Variants in ANO6 observed in about 807,000 individuals in gnomAD.
ANO6 encodes anoctamin 6, also known as anoctamin-6.
In ANO6, 106 loss-of-function variants were observed where a neutral mutation model predicts 117.5. The observed-to-expected ratio is 0.90, with a 90% CI of 0.77 to 1.06. ANO6 has a LOEUF of 1.06. ANO6 is among the 50% of genes least tolerant of loss of function. ANO6 has a pLI of 0.00. For synonymous variants in ANO6, 367 were observed against 385.1 expected, an observed-to-expected ratio of 0.95 and a Z score of 0.55; for missense variants, 955 against 1,121.1, an observed-to-expected ratio of 0.85 and a Z score of 2.12.
At chr12:45,375,259 C>T (rs12422406) in intron 9 of ANO6, among the ~76,000 whole-genome samples, 5 of 152,116 alleles carry the variant, frequency 3.3e-5, no homozygotes, top group Admixed American at 1.3e-4. Flanking sequence ...GAATCAATAT[C>T]GTGAAAATGG....
intron 12 of ANO6, among the ~76,000 whole-genome samples, chr12:45,399,661 A>G: frequency 6.6e-6 from 1 of 152,096 alleles, no homozygotes. Flanking sequence ...CAAACCAATC[A>G]GGTTGTACCT....
chr12:45,409,955 C>T (rs1943044247), intron 16 of ANO6, among the ~76,000 whole-genome samples: 1 of 152,164 alleles, frequency 6.6e-6, no homozygotes, highest in Admixed American at 6.5e-5. Flanking sequence ...AGGGTTTCAC[C>T]ATGTTGTCCA....
intron 17 of ANO6, among the ~76,000 whole-genome samples, chr12:45,420,024 T>C (rs1039569888): frequency 6.6e-6 from 1 of 151,490 alleles, no homozygotes; most frequent in Non-Finnish European, 1.5e-5. Context: ...CATTATTGTT[T>C]GACTATGAAT....
intron 3 of ANO6, among the ~76,000 whole-genome samples, chr12:45,344,638 G>A (rs1043263674): frequency 7.9e-5 from 12 of 152,162 alleles, no homozygotes; most frequent in African/African-American, 2.9e-4. Flanking sequence ...GGAGATTACA[G>A]TTCGACATGA....
intron 12 of ANO6, among the ~76,000 whole-genome samples, chr12:45,392,181 G>T (rs989343442): frequency 6.6e-6 from 1 of 152,208 alleles, no homozygotes; most frequent in Non-Finnish European, 1.5e-5. Context: ...TTAGCAACCA[G>T]CAGACAAAGT....
intron 13 of ANO6, 60 bp downstream of exon 13, chr12:45,402,080 G>A (rs1211545529): frequency 1.4e-6 from 2 of 1,426,144 alleles, no homozygotes; most frequent in Admixed American, 3.4e-5. Flanking sequence ...GCCAAAAATA[G>A]AGACTGTTAT....
chr12:45,361,712 T>C (rs1639609366), intron 8 of ANO6, among the ~76,000 whole-genome samples: 1 of 152,112 alleles, frequency 6.6e-6, no homozygotes, highest in Admixed American at 6.5e-5. Context: ...ATGTTGGATT[T>C]TGCCAGATGC....
At chr12:45,439,357 G>A (rs12231032) in intron 19 of ANO6, among the ~76,000 whole-genome samples, 25,793 of 152,052 alleles carry the variant, frequency 0.17, 3,613 homozygotes, top group African/African-American at 0.37. Flanking sequence ...ACACTGCATC[G>A]AGCAAACTCC....
intron 12 of ANO6, among the ~76,000 whole-genome samples, chr12:45,398,660 C>T (rs1461615674): frequency 6.6e-6 from 1 of 152,092 alleles, no homozygotes; most frequent in Non-Finnish European, 1.5e-5. Flanking sequence ...TTCTACTTCT[C>T]AACCTTCAAA....
intron 3 of ANO6, among the ~76,000 whole-genome samples, chr12:45,332,911 A>C (rs1009040829): frequency 6.6e-6 from 1 of 152,078 alleles, no homozygotes; most frequent in Admixed American, 6.6e-5. Flanking sequence ...AGTGGAAAGT[A>C]TCGTTTCTGG....
rs866062454 is a variant in ANO6 at position 45,302,286 on chromosome 12, C to T, written c.150+193C>T. ...TTGCTGAACTTGATTGTGTAAGCATCATGGTCTATAGGTTTGTTCTTCATA... is the reference window on the plus strand; with the variant it reads ...TTGCTGAACTTGATTGTGTAAGCATTATGGTCTATAGGTTTGTTCTTCATA... On this transcript the variant is annotated intron_variant, in intron 2 of 19. Coordinates refer to ENST00000320560, the MANE Select transcript of ANO6 (RefSeq NM_001025356.3). 2.6e-5 allele frequency among the ~76,000 whole-genome samples: 4 copies of T among 152,302 alleles called. No individual in the cohort carries two copies. In the Middle Eastern group the frequency reaches 0.01, roughly 391 times the overall value.
chr12:45,331,394 A>G lies in ANO6; in HGVS notation c.250A>G (p.Asn84Asp). 6.2e-7 allele frequency: 1 copy of G among 1,607,594 alleles called. No individual in the cohort carries two copies. Among genetic ancestry groups the G allele is most frequent in the Non-Finnish European group, 8.5e-7 (1 of 1,176,782 alleles). ...TGAGGATGAAAGCAGAAAAGAGACCAATAAAAAGGGTACAAATGAAAAACA... is the reference window on the plus strand; with the variant it reads ...TGAGGATGAAAGCAGAAAAGAGACCGATAAAAAGGGTACAAATGAAAAACA... ...VYEDESRKET[N>D]KKGTNEKQRR... is the part of the protein sequence containing the mutation. Residue 84 changes from asparagine to aspartate, a missense_variant, in exon 3 of 20, where the codon AAT becomes GAT. Coordinates refer to ENST00000320560, the MANE Select transcript of ANO6 (RefSeq NM_001025356.3).
chr12:45,239,010 C>T (rs1947694090), intron 1 of ANO6, among the ~76,000 whole-genome samples: 1 of 152,048 alleles, frequency 6.6e-6, no homozygotes, highest in South Asian at 2.1e-4. Context: ...CTCTTTCTTT[C>T]TTGTATATCT....
chr12:45,397,095 T>G (rs770555960), intron 12 of ANO6, among the ~76,000 whole-genome samples: 1 of 152,148 alleles, frequency 6.6e-6, no homozygotes, highest in Non-Finnish European at 1.5e-5. Context: ...AATCTACCCA[T>G]CTGACAAAGG....
intron 19 of ANO6, among the ~76,000 whole-genome samples, chr12:45,426,207 C>T (rs1345803062): frequency 6.6e-6 from 1 of 152,148 alleles, no homozygotes; most frequent in African/African-American, 2.4e-5. Flanking sequence ...ATCATGCCAC[C>T]AGGCTTTAAG....
At chr12:45,421,742 G>A (rs559513525) in intron 18 of ANO6, among the ~76,000 whole-genome samples, 16 of 152,142 alleles carry the variant, frequency 1.1e-4, no homozygotes, top group Non-Finnish European at 1.9e-4. Context: ...ACATAACAGG[G>A]ACATACAAAG....
At chr12:45,435,564 T>C (rs1943698026), downstream of ANO6, among the ~76,000 whole-genome samples, 1 of 152,198 alleles carries the variant, frequency 6.6e-6, no homozygotes, top group Non-Finnish European at 1.5e-5. Context: ...ATATTGTAAA[T>C]GATGAGAAGG....
intron 12 of ANO6, among the ~76,000 whole-genome samples, chr12:45,393,220 T>C (rs991788147): frequency 3.3e-5 from 5 of 152,114 alleles, no homozygotes; most frequent in Admixed American, 2.6e-4. Flanking sequence ...CAGTAGCCAA[T>C]TCGATCAAGT....
intron 11 of ANO6, 103 bp from the exon 12 acceptor site, chr12:45,390,318 A>G: frequency 2.0e-6 from 2 of 1,010,434 alleles, no homozygotes; most frequent in Non-Finnish European, 3.1e-6. Flanking sequence ...CTTGCAAACT[A>G]ATTTTTTAAA....
Sources: allele counts gnomAD v4.1 joint callset (sites outside exome capture counted in the v4.1 genomes callset), GRCh38; gene constraint gnomAD v4.1.1; transcripts MANE v1.5; gene names NCBI Gene and HGNC (gene_info 2026-07-23, HGNC 2026-07-21).